ANXA4: variants seen among roughly 807,000 people sequenced by gnomAD.
ANXA4 encodes the protein 35-beta calcimedin.
ANXA4 carries 39 observed loss-of-function variants against 49.8 expected under a neutral mutation model. The observed-to-expected ratio is 0.78, with a 90% CI of 0.61 to 1.02. The LOEUF is 1.02. ANXA4 is among the 50% of genes least tolerant of loss of function. The pLI is 0.00. For synonymous variants in ANXA4, 134 were observed against 152.5 expected (o/e 0.88, Z 0.89); for missense variants, 360 against 410.1 (o/e 0.88, Z 1.05).
chr2:69,654,285 T>G (rs907886381), intron 2 of ANXA4, among the ~76,000 whole-genome samples: 1 of 152,224 alleles, frequency 6.6e-6, no homozygotes, highest in Non-Finnish European at 1.5e-5. Context: ...TTTCTTTCTA[T>G]TGCCTGATTG....
intron 2 of ANXA4, among the ~76,000 whole-genome samples, chr2:69,654,543 C>A (rs1473642556): frequency 6.6e-6 from 1 of 152,150 alleles, no homozygotes; most frequent in Non-Finnish European, 1.5e-5. Flanking sequence ...TTGAGATAAT[C>A]ATGTAGTTTT....
chr2:69,679,171 CTG>C (rs1559072416), intron 2 of ANXA4, among the ~76,000 whole-genome samples: 1 of 152,132 alleles, frequency 6.6e-6, no homozygotes, highest in Non-Finnish European at 1.5e-5. Flanking sequence ...AAGTCTCACT[CTG>C]TTGCCCAGAC....
At chr2:69,723,443 C>A (rs907210379) in intron 3 of ANXA4, among the ~76,000 whole-genome samples, 2 of 152,128 alleles carry the variant, frequency 1.3e-5, no homozygotes, top group African/African-American at 4.8e-5. Flanking sequence ...TTTTCTAGGG[C>A]AAGGATGTGG....
chr2:69,644,748 C>T (rs1032932268), exon 1 of ANXA4: 2 of 152,242 alleles, frequency 1.3e-5, no homozygotes. Flanking sequence ...TTCACTAGCT[C>T]CCTTGCACAC....
chr2:69,678,389 CTTTT>C (rs150952411), intron 2 of ANXA4, among the ~76,000 whole-genome samples: 1 of 78,362 alleles, frequency 1.3e-5, no homozygotes, highest in African/African-American at 5.1e-5. Context: ...CTTTTCTTTT[CTTTT>C]TTTTTTTTTT....
chr2:69,821,774 G>A (rs189222666), intron 12 of ANXA4, among the ~76,000 whole-genome samples: 15 of 152,208 alleles, frequency 9.9e-5, no homozygotes, highest in Admixed American at 5.2e-4. Context: ...TTGTTACTAC[G>A]TCTACAAGGC....
At chr2:69,761,719 A>C (rs1671295585) in intron 1 of ANXA4, among the ~76,000 whole-genome samples, 1 of 151,660 alleles carries the variant, frequency 6.6e-6, no homozygotes. Flanking sequence ...CCAGGAGTTC[A>C]AGACCAGCCT....
upstream of ANXA4, among the ~76,000 whole-genome samples, chr2:69,737,897 T>A (rs1250558228): frequency 2.0e-5 from 3 of 152,174 alleles, no homozygotes; most frequent in African/African-American, 7.2e-5. Flanking sequence ...TAATGTCAGA[T>A]CCTTCCCCTA....
Position 69,806,458 on chromosome 2 carries a change from C to T in ANXA4, c.266C>T (p.Thr89Met), listed in dbSNP as rs772478169. ...GTGATTGTGGGGATGATGACGCCCACGGTGCTGTATGACGTGCAAGAGCTG... is the reference window on the plus strand; with the variant it reads ...GTGATTGTGGGGATGATGACGCCCATGGTGCTGTATGACGTGCAAGAGCTG... ...EQVIVGMMTPTVLYDVQELRR... is the reference protein window; with the variant it reads ...EQVIVGMMTPMVLYDVQELRR... The change falls in exon 5 of 13, where the codon ACG becomes ATG. Residue 89 changes from threonine (T) to methionine (M), a missense_variant. Thr to Met is a moderately conservative substitution (Grantham distance 81). Coordinates refer to ENST00000394295, the MANE Select transcript of ANXA4 (RefSeq NM_001153.5). 2.1e-5 allele frequency: 34 copies of T among 1,613,920 alleles called. No homozygotes were observed. In the East Asian group the frequency reaches 2.9e-4, roughly 14 times the overall value.
Position 69,820,684 on chromosome 2 carries a change from C to T in ANXA4, c.784-15C>T, listed in dbSNP as rs566557287. The stretch of plus-strand genomic sequence containing the variant: ...TAGGTTTTTGTATATGTTTGGATTT[C>T]GTTTTCTTCCTTAGGGCTTGGGCAC... On this transcript the variant is annotated splice_polypyrimidine_tract_variant and intron_variant, in intron 11 of 12. Transcript: ENST00000394295. 6.2e-6 allele frequency: 10 copies of T among 1,612,552 alleles called. No individual in the cohort carries two copies. Among genetic ancestry groups the T allele is most frequent in the East Asian group, 4.5e-5 (2 of 44,854 alleles).
chr2:69,702,580 G>A (rs372031641), intron 2 of ANXA4, among the ~76,000 whole-genome samples: 1 of 151,964 alleles, frequency 6.6e-6, no homozygotes, highest in East Asian at 1.9e-4. Flanking sequence ...TGAGTGTGGT[G>A]GTGTATACCT....
chr2:69,746,942 G>A (rs568778970), intron 1 of ANXA4, among the ~76,000 whole-genome samples: 80 of 152,148 alleles, frequency 5.3e-4, no homozygotes, highest in African/African-American at 1.9e-3. Flanking sequence ...AGGTTGCAGT[G>A]AGCCAAAATT....
intron 1 of ANXA4, among the ~76,000 whole-genome samples, chr2:69,650,316 G>C (rs1676185900): frequency 1.3e-5 from 2 of 152,098 alleles, no homozygotes; most frequent in African/African-American, 4.8e-5. Flanking sequence ...CAGCTAGAGA[G>C]CCAAAGTACC....
intron 1 of ANXA4, among the ~76,000 whole-genome samples, chr2:69,742,426 G>A (rs1377912018): frequency 1.3e-5 from 2 of 152,232 alleles, no homozygotes; most frequent in Non-Finnish European, 2.9e-5. Context: ...ATCCAGGGCC[G>A]CTTACACGGC....
intron 2 of ANXA4, among the ~76,000 whole-genome samples, chr2:69,783,742 C>T (rs762154612): frequency 2.6e-5 from 4 of 152,118 alleles, no homozygotes; most frequent in Non-Finnish European, 4.4e-5. Flanking sequence ...CCTCCATGCC[C>T]GTTTCATATT....
chr2:69,693,280 A>G (rs972561817), intron 2 of ANXA4, among the ~76,000 whole-genome samples: 1 of 152,058 alleles, frequency 6.6e-6, no homozygotes, highest in Non-Finnish European at 1.5e-5. Context: ...GAGGACTTCA[A>G]AGGGAAACTG....
intron 2 of ANXA4, among the ~76,000 whole-genome samples, chr2:69,785,394 A>C (rs1395422906): frequency 6.6e-6 from 1 of 152,208 alleles, no homozygotes; most frequent in Non-Finnish European, 1.5e-5. Flanking sequence ...AGAAAACTTT[A>C]GCTCTATTCC....
chr2:69,711,217 C>G (rs1678668886), intron 2 of ANXA4, among the ~76,000 whole-genome samples: 1 of 152,170 alleles, frequency 6.6e-6, no homozygotes, highest in South Asian at 2.1e-4. Flanking sequence ...GTAATTCCAG[C>G]TACTTGGGAG....
chr2:69,796,830 A>C (rs1280640954), intron 3 of ANXA4, among the ~76,000 whole-genome samples: 1 of 152,058 alleles, frequency 6.6e-6, no homozygotes, highest in East Asian at 1.9e-4. Context: ...TGCTCTTCTA[A>C]CTTAGGGGAA....
Sources: gnomAD v4.1 joint callset for allele counts (sites outside exome capture counted in the v4.1 genomes callset) on GRCh38, gnomAD v4.1.1 for gene constraint, MANE v1.5 for transcripts, NCBI Gene and HGNC (gene_info 2026-07-23, HGNC 2026-07-21) for gene names.